The following BSCL2 variants were observed in gnomAD, a reference collection of about 807,000 sequenced individuals.
BSCL2 encodes BSCL2 lipid droplet biogenesis associated, seipin.
Under a neutral mutation model 57.4 loss-of-function variants are expected in BSCL2, and 41 were observed. The ratio of observed to expected loss-of-function variants is 0.71; its 90% CI spans 0.56 to 0.93. The LOEUF (loss-of-function observed/expected upper bound fraction) is 0.93. BSCL2 is among the 40% of genes least tolerant of loss of function. The pLI, the probability that BSCL2 is intolerant of heterozygous loss-of-function variation, is 0.00. For missense variants in BSCL2, 539 were observed against 586.7 expected (o/e 0.92, Z 0.84); for synonymous variants, 237 against 227.3 (o/e 1.04, Z -0.38).
chr11:62,708,373 A>T (rs1367013150), upstream of BSCL2: 1 of 1,613,018 alleles, frequency 6.2e-7, no homozygotes, highest in Non-Finnish European at 8.5e-7. Context: ...TTAAGATTGA[A>T]GCCAGCTTGT....
chr11:62,698,856 C>G (rs1420446078), intron 3 of BSCL2, among the ~76,000 whole-genome samples: 4 of 152,080 alleles, frequency 2.6e-5, no homozygotes, highest in Non-Finnish European at 4.4e-5. Context: ...ATGCACCATC[C>G]CAGGTTCTGT....
Position 62,705,493 on chromosome 11 carries a change from A to C in BSCL2, c.212T>G (p.Val71Gly). 6.2e-7 allele frequency: 1 copy of C among 1,614,174 alleles called. No individual in the cohort carries two copies. The highest frequency in any genetic ancestry group is 8.5e-7 in the Non-Finnish European group (1 of 1,180,024). The change falls in exon 2 of 11, where the codon GTA (valine) becomes GGA (glycine). Residue 71 changes from valine (V) to glycine (G), a missense_variant. Val to Gly is a moderately radical substitution (Grantham distance 109). Around this residue, in one of 3 missense-constraint regions of BSCL2, gnomAD observed 218 missense variants for 224.8 expected, o/e 0.97. Coordinates refer to ENST00000360796, the MANE Select transcript of BSCL2 (RefSeq NM_001122955.4). ...ALPAMVNDPP[V>G]PALLWAQEVG... is the part of the protein sequence containing the mutation. ...CTCCTGGGCCCACAGTAAGGCAGGT[A>C]CTGGAGGGTCGTTGACCATGGCCGG...
At chr11:62,702,354 C>T in intron 3 of BSCL2, 114 bp downstream of exon 3, 1 of 976,964 alleles carries the variant, frequency 1.0e-6, no homozygotes, top group East Asian at 3.0e-5. Context: ...GCGTGAGCCA[C>T]CGTGCCCGGC....
At chr11:62,703,409 T>C (rs1220791908) in intron 2 of BSCL2, among the ~76,000 whole-genome samples, 1 of 140,410 alleles carries the variant, frequency 7.1e-6, no homozygotes, top group African/African-American at 2.7e-5. Context: ...TGGAGTGCAG[T>C]GGCACGATCT....
At chr11:62,708,472 G>T (rs1035604948), upstream of BSCL2, 71 of 1,262,078 alleles carry the variant, frequency 5.6e-5, 1 homozygote, top group African/African-American at 9.2e-4. Flanking sequence ...CAAGATAAGA[G>T]ATGCGTTCTT....
intron 9 of BSCL2, 36 bp downstream of exon 9, chr11:62,690,751 A>C (rs771892704): frequency 6.2e-7 from 1 of 1,613,758 alleles, no homozygotes; most frequent in Admixed American, 1.7e-5. Flanking sequence ...AAAGCCAAGG[A>C]GTCAGGAAGG....
chr11:62,695,178 T>C (rs1945419626), intron 3 of BSCL2, among the ~76,000 whole-genome samples: 1 of 152,166 alleles, frequency 6.6e-6, no homozygotes, highest in Non-Finnish European at 1.5e-5. Context: ...AGCTCCCTTA[T>C]CTTGGTTCTG....
At chr11:62,703,887 A>AG (rs1554985291) in intron 2 of BSCL2, among the ~76,000 whole-genome samples, 1 of 151,110 alleles carries the variant, frequency 6.6e-6, no homozygotes, top group Non-Finnish European at 1.5e-5. Context: ...TGGGAGGCCA[A>AG]GGGGGTGGAT....
At chr11:62,693,877 C>T (rs970645990) in intron 4 of BSCL2, among the ~76,000 whole-genome samples, 3 of 151,836 alleles carry the variant, frequency 2.0e-5, no homozygotes, top group Non-Finnish European at 2.9e-5. Flanking sequence ...TGCAGTGGCG[C>T]GATCTTGGCT....
chr11:62,694,473 G>C (rs1210420580), intron 4 of BSCL2, 95 bp downstream of exon 4: 5 of 1,584,256 alleles, frequency 3.2e-6, no homozygotes, highest in Non-Finnish European at 4.3e-6. Flanking sequence ...CCAAACTGCT[G>C]GGATTATAGG....
In BSCL2 at chr11:62,702,686, G is replaced by A. The variant is rs908631912; in HGVS notation, c.405-137C>T. ...GCACCCTTCTCTCTGTTACAAAGAT[G>A]GAGAACAAATGTGGCCAGGAGATTC... On this transcript the variant is annotated intron_variant, in intron 2 of 10. Coordinates refer to ENST00000360796, the MANE Select transcript of BSCL2 (RefSeq NM_001122955.4). The A allele has an allele frequency of 4.2e-6, 3 of 706,406 alleles. No homozygotes were observed. The African/African-American group carries it at 5.3e-5, about 12-fold the overall frequency. 43.8% of individuals were successfully genotyped at this position (706,406 alleles called of 1,614,324 possible). A position where few individuals can be genotyped will look rare whatever the true frequency, so the allele number is the denominator to read the frequency against.
At position 62,691,069 on chromosome 11, in the gene BSCL2, C is replaced by A; in HGVS notation, c.1072+6G>T. The A allele has an allele frequency of 1.2e-6, 2 of 1,614,216 alleles. No individual in the cohort carries two copies. ...ACCTCAACAGCTCCCCAGCCAACAC[C>A]TTTACCTGGCTGATGAGCAGAGATC... On this transcript the variant is annotated splice_donor_region_variant and intron_variant, in intron 8 of 10. Transcript: ENST00000360796.
At chr11:62,691,209 T>C (rs1028999797) in intron 7 of BSCL2, 68 bp from the exon 8 acceptor site, 3 of 1,613,950 alleles carry the variant, frequency 1.9e-6, no homozygotes, top group Non-Finnish European at 2.5e-6. Flanking sequence ...CCCTCATGCC[T>C]TAATCCCCAA....
At chr11:62,692,308 G>A in intron 6 of BSCL2, 68 bp downstream of exon 6, 3 of 1,513,302 alleles carry the variant, frequency 2.0e-6, no homozygotes, top group Non-Finnish European at 2.7e-6. Flanking sequence ...CCTCTGCTTG[G>A]GACCCTCTTG....
Position 62,690,664 on chromosome 11 carries a change from T to C in BSCL2, c.1182A>G (p.Pro394=). The change falls in exon 10 of 11, where the codon CCA becomes CCG. Residue 394 remains proline (P), a synonymous_variant. Coordinates refer to ENST00000360796, the MANE Select transcript of BSCL2 (RefSeq NM_001122955.4). The part of the protein sequence containing the change: ...TEGQLSEEEK[P]DQQPLSGEEE... Reference sequence around the variant, plus strand: ...CTTCTCCGCTCAGGGGCTGCTGATCTGGTTTCTCCTCCTCGGACAGCTGAC... The same window carrying C: ...CTTCTCCGCTCAGGGGCTGCTGATCCGGTTTCTCCTCCTCGGACAGCTGAC... The C allele has an allele frequency of 6.2e-7, 1 of 1,613,912 alleles. No homozygotes were observed. The highest frequency in any genetic ancestry group is 8.5e-7 in the Non-Finnish European group (1 of 1,180,006).
At chr11:62,694,527 A>G (rs373161158) in intron 4 of BSCL2, 41 bp downstream of exon 4, 16 of 1,613,534 alleles carry the variant, frequency 9.9e-6, no homozygotes, top group Admixed American at 1.7e-5. Context: ...TGATCCTGCC[A>G]TCTTCCTCCA....
rs777422952 is a variant in BSCL2, at chr11:62,705,548, G to A, written c.157C>T (p.Pro53Ser). The part of the protein sequence containing the change: ...PGGRAARNAR[P>S]EPGARHPALP... ...GCAGGGTGTCTGGCCCCAGGTTCAGGCCTTGCGTTCCTAGCTGCTCTGCCA... is the reference window on the plus strand; with the variant it reads ...GCAGGGTGTCTGGCCCCAGGTTCAGACCTTGCGTTCCTAGCTGCTCTGCCA... The change falls in exon 2 of 11, where the codon CCT becomes TCT. Residue 53 changes from proline (P) to serine (S), a missense_variant. This residue lies in a region of BSCL2 where 218 missense variants were observed against 224.8 expected (regional missense o/e 0.97). Transcript: ENST00000360796. 1.2e-6 allele frequency: 2 copies of A among 1,608,354 alleles called. No individual in the cohort carries two copies. Among genetic ancestry groups the A allele is most frequent in the Non-Finnish European group, 1.7e-6 (2 of 1,176,006 alleles).
Position 62,692,405 on chromosome 11 carries a change from G to T in BSCL2, c.834C>A (p.Leu278=). Residue 278 remains leucine (L), a synonymous_variant, in exon 6 of 11, where the codon CTC becomes CTA. Coordinates refer to ENST00000360796, the MANE Select transcript of BSCL2 (RefSeq NM_001122955.4). ...SKRIQLYGAY[L]RIHAHFTGLR... ...GCCCAGTGAAGTGCGCGTGGATGCG[G>T]AGGTAGGCTCCATACAGCTGGATGC... 6.2e-7 allele frequency: 1 copy of T among 1,614,164 alleles called. No homozygotes were observed. Among genetic ancestry groups the T allele is most frequent in the Non-Finnish European group, 8.5e-7 (1 of 1,180,048 alleles).
At chr11:62,709,491 T>C, upstream of BSCL2, 1 of 453,690 alleles carries the variant, frequency 2.2e-6, no homozygotes, top group South Asian at 1.6e-5. Flanking sequence ...GGGAGTGCAG[T>C]CGTACAGCAG....
Sources: gnomAD v4.1 joint callset for allele counts (sites outside exome capture counted in the v4.1 genomes callset) on GRCh38, gnomAD v4.1.1 for gene constraint, gnomAD v4.1.1 regional missense constraint, MANE v1.5 for transcripts, NCBI Gene and HGNC (gene_info 2026-07-23, HGNC 2026-07-21) for gene names.